The following CRAMP1 variants were observed in gnomAD, a reference collection of about 807,000 sequenced individuals.
The protein encoded by CRAMP1 is protein cramped-like.
In CRAMP1, 50 loss-of-function variants were observed where a neutral mutation model predicts 115.4. The ratio of observed to expected loss-of-function variants is 0.43; its 90% confidence interval spans 0.35 to 0.55. The LOEUF is 0.55. Ranked by LOEUF, CRAMP1 falls within the 20% of genes least tolerant of loss-of-function variation. CRAMP1 has a pLI of 0.01. For missense variants in CRAMP1, 1,679 were observed against 1,721.7 expected (o/e 0.98, Z 0.44); for synonymous variants, 866 against 745.4 (o/e 1.16, Z -2.64).
chr16:1,654,953 C>T (rs1426638217), intron 8 of CRAMP1, among the ~76,000 whole-genome samples: 2 of 152,288 alleles, frequency 1.3e-5, no homozygotes, highest in African/African-American at 2.4e-5. Context: ...CGCCCACGCC[C>T]TGGCGGAGAC....
rs1026297003 is a variant in CRAMP1, at chr16:1,669,912, G to A, written c.3499+747G>A. On this transcript the variant is annotated intron_variant, in intron 19 of 20. Transcript: ENST00000397412. This position sits in a 1 kb window ranked among gnomAD's most constrained non-coding sequence, Gnocchi z 4.6. ...CTGAGGGACCCAGCACCCTGCAGGC[G>A]TTTCCTTTTGTCTCATGTAGCAGTG... Among the ~76,000 whole-genome samples the A allele has an allele frequency of 7.2e-5, 11 of 152,162 alleles. No individual in the cohort carries two copies. The highest frequency in any genetic ancestry group is 2.6e-4 in the Admixed American group (4 of 15,278).
intron 6 of CRAMP1, among the ~76,000 whole-genome samples, chr16:1,646,743 A>G (rs2036678624): frequency 2.0e-5 from 3 of 152,232 alleles, no homozygotes; most frequent in Non-Finnish European, 4.4e-5. Context: ...GCCTAACCCA[A>G]GGTCACAGAG....
At chr16:1,633,705 G>A (rs1049623547) in intron 4 of CRAMP1, among the ~76,000 whole-genome samples, 4 of 152,194 alleles carry the variant, frequency 2.6e-5, no homozygotes, top group East Asian at 3.8e-4. Context: ...AGAGTGGCAC[G>A]CAGCACCGAC....
chr16:1,672,410 G>A lies in CRAMP1; in HGVS notation c.3646-1471G>A, dbSNP rs193239091. On this transcript the variant is annotated intron_variant, in intron 20 of 20. Transcript: ENST00000397412. The surrounding 1 kb of genome is among the most constrained non-coding windows in gnomAD (Gnocchi z 4.9). ...TCAGCAGGTCCTCGTCATCTGGAAG[G>A]ATGGGCTGAGGCATTTGTGGATGAA... 4.3e-4 allele frequency among the ~76,000 whole-genome samples: 65 copies of A among 152,056 alleles called. No homozygotes were observed. Among genetic ancestry groups the A allele is most frequent in the Admixed American group, 2.2e-3 (34 of 15,270 alleles).
At chr16:1,648,873 G>A (rs1212410407) in intron 6 of CRAMP1, among the ~76,000 whole-genome samples, 3 of 151,862 alleles carry the variant, frequency 2.0e-5, no homozygotes, top group African/African-American at 7.2e-5. Flanking sequence ...CCTGGCTAAC[G>A]TGGTGAAACC....
intron 6 of CRAMP1, among the ~76,000 whole-genome samples, chr16:1,649,240 T>C (rs2036702431): frequency 1.3e-5 from 2 of 152,108 alleles, no homozygotes; most frequent in Admixed American, 1.3e-4. Flanking sequence ...TGTCCTTTGG[T>C]ATCCTGTGTT....
chr16:1,651,771 A>T (rs1047560573), intron 6 of CRAMP1, among the ~76,000 whole-genome samples: 2 of 150,786 alleles, frequency 1.3e-5, no homozygotes, highest in African/African-American at 4.9e-5. Context: ...GACTGAGGTC[A>T]CACAGGTCAC....
At chr16:1,668,717 A>G (rs2036896834) in intron 18 of CRAMP1, among the ~76,000 whole-genome samples, 1 of 152,168 alleles carries the variant, frequency 6.6e-6, no homozygotes, top group Non-Finnish European at 1.5e-5. Context: ...CTAAGCGGTA[A>G]ATTGAGAATA....
chr16:1,635,778 G>A (rs1422147650), intron 4 of CRAMP1, among the ~76,000 whole-genome samples: 1 of 152,232 alleles, frequency 6.6e-6, no homozygotes, highest in Non-Finnish European at 1.5e-5. Flanking sequence ...TCTAGTTGCA[G>A]AATATGTCCA....
chr16:1,639,587 T>C (rs975156973), intron 5 of CRAMP1, among the ~76,000 whole-genome samples: 1 of 152,136 alleles, frequency 6.6e-6, no homozygotes, highest in African/African-American at 2.4e-5. Flanking sequence ...AAAGGAAGAC[T>C]TGGCCCCAGT....
chr16:1,659,667 G>A (rs898414603), intron 10 of CRAMP1, among the ~76,000 whole-genome samples: 1 of 152,192 alleles, frequency 6.6e-6, no homozygotes, highest in Non-Finnish European at 1.5e-5. Flanking sequence ...GATTACAGGC[G>A]TGAGCCACCG....
chr16:1,670,356 G>A (rs1445011217), intron 19 of CRAMP1: 2 of 334,404 alleles, frequency 6.0e-6, no homozygotes, highest in Non-Finnish European at 5.4e-6. Flanking sequence ...GGGTGGGAGA[G>A]CATGATGGGG....
rs2036966775 is a variant in CRAMP1, at chr16:1,676,260, A to ATGGGTT, written c.*2215_*2216insTGGGTT. ...TAGACTCCTGGGAGCAGCCAACTGC[A>ATGGGTT]GCCATTGCCATCCAGTGGGGAGATG... On this transcript the variant is annotated 3_prime_UTR_variant, in exon 21 of 21. Transcript: ENST00000397412. 1 of 152,468 alleles carries ATGGGTT rather than the reference A, an allele frequency of 6.6e-6. No individual in the cohort carries two copies. The highest frequency in any genetic ancestry group is 1.5e-5 in the Non-Finnish European group (1 of 68,136). The allele number at this position is 152,468 out of a possible 1,614,324, so 9.4% of individuals were successfully genotyped here.
Position 1,637,138 on chromosome 16 carries a change from C to A in CRAMP1, c.695-686C>A, listed in dbSNP as rs188641025. 1.6e-3 allele frequency among the ~76,000 whole-genome samples: 242 copies of A among 152,172 alleles called. 2 individuals carry two copies. Among genetic ancestry groups the A allele is most frequent in the Non-Finnish European group, 2.3e-3 (159 of 67,988 alleles). On this transcript the variant is annotated intron_variant, in intron 4 of 20. Coordinates refer to ENST00000397412, the MANE Select transcript of CRAMP1 (RefSeq NM_020825.4). ...TGAAACCCTGTCTCTACTAAAAATA[C>A]AAAAATTAGCCAGGCCATAATGGTG...
At position 1,614,647 on chromosome 16, in the gene CRAMP1, T is replaced by C; in HGVS notation, c.8T>C (p.Val3Ala). 7.9e-7 allele frequency: 1 copy of C among 1,269,764 alleles called. No homozygotes were observed. The highest frequency in any genetic ancestry group is 1.0e-6 in the Non-Finnish European group (1 of 1,001,824). The allele number at this position is 1,269,764 out of a possible 1,614,324, so 78.7% of individuals were successfully genotyped here. Residue 3 changes from valine (V) to alanine (A), a missense_variant, in exon 2 of 21, where the codon GTG becomes GCG. Val to Ala is a moderately conservative substitution (Grantham distance 64). This residue lies in a region of CRAMP1 where 264 missense variants were observed against 229.7 expected (regional missense o/e 1.15). Coordinates refer to ENST00000397412, the MANE Select transcript of CRAMP1 (RefSeq NM_020825.4). The surrounding 1 kb of genome is among the most constrained non-coding windows in gnomAD (Gnocchi z 4.4). Reference sequence around the variant, plus strand: ...CCCTCTCCCGGCCGCAGGATGACAGTGAAGTTGGGCGACGGCGGCAGCGGG... The same window carrying C: ...CCCTCTCCCGGCCGCAGGATGACAGCGAAGTTGGGCGACGGCGGCAGCGGG... Reference protein sequence around the residue: MTVKLGDGGSGED... With the variant: MTAKLGDGGSGED...
chr16:1,670,091 C>T (rs947777868), intron 19 of CRAMP1, among the ~76,000 whole-genome samples: 18 of 151,892 alleles, frequency 1.2e-4, no homozygotes, highest in African/African-American at 4.4e-4. Flanking sequence ...ATAGAGAGAC[C>T]TTGTCTCTAC....
chr16:1,666,470 C>T lies in CRAMP1; in HGVS notation c.2906C>T (p.Pro969Leu). 6.2e-7 allele frequency: 1 copy of T among 1,613,858 alleles called. No homozygotes were observed. The highest frequency in any genetic ancestry group is 8.5e-7 in the Non-Finnish European group (1 of 1,179,844). The stretch of plus-strand genomic sequence containing the variant: ...AGTGCCGGCATCCTTTCCGGGAACC[C>T]CCTCCCTGCCTTGGACACCGAGGGC... ...ATSAGILSGN[P>L]LPALDTEGLS... The change falls in exon 16 of 21, where the codon CCC (proline) becomes CTC (leucine). Residue 969 changes from proline (P) to leucine (L), a missense_variant. This residue lies in a region of CRAMP1 where 709 missense variants were observed against 741.9 expected (regional missense o/e 0.96). Transcript: ENST00000397412. The surrounding 1 kb of genome is among the most constrained non-coding windows in gnomAD (Gnocchi z 5.0).
Position 1,652,716 on chromosome 16 carries a change from G to T in CRAMP1, c.913+135G>T, listed in dbSNP as rs1277303459. 4 of 785,888 alleles carry T rather than the reference G, an allele frequency of 5.1e-6. No individual in the cohort carries two copies. In the African/African-American group the frequency reaches 5.2e-5, roughly 10 times the overall value. 48.7% of individuals were successfully genotyped at this position (785,888 alleles called of 1,614,324 possible). On this transcript the variant is annotated intron_variant, in intron 7 of 20. Coordinates refer to ENST00000397412, the MANE Select transcript of CRAMP1 (RefSeq NM_020825.4). ...CTGCTTAATCCCAGGGCTGCACATGGACCACTCTTGAACTTGAAATGCTCC... is the reference window on the plus strand; with the variant it reads ...CTGCTTAATCCCAGGGCTGCACATGTACCACTCTTGAACTTGAAATGCTCC...
intron 2 of CRAMP1, among the ~76,000 whole-genome samples, chr16:1,616,235 G>A (rs755896420): frequency 6.6e-6 from 1 of 152,174 alleles, no homozygotes; most frequent in African/African-American, 2.4e-5. Context: ...TTTATTGCTA[G>A]TTACAGGTAT....
Sources: gnomAD v4.1 joint callset for allele counts (sites outside exome capture counted in the v4.1 genomes callset) on GRCh38, gnomAD v4.1.1 for gene constraint, gnomAD v4.1.1 regional missense constraint, Gnocchi (gnomAD v3.1) non-coding constraint, MANE v1.5 for transcripts, NCBI Gene and HGNC (gene_info 2026-07-23, HGNC 2026-07-21) for gene names.